The following CBL variants were observed in gnomAD, a reference collection of about 807,000 sequenced individuals.
CBL encodes the protein E3 ubiquitin-protein ligase CBL.
In CBL, 45 loss-of-function variants were observed where a neutral mutation model predicts 96.9. The observed-to-expected ratio is 0.46, with a 90% CI of 0.37 to 0.60. The LOEUF (loss-of-function observed/expected upper bound fraction) is 0.60, where lower values mean the gene tolerates loss of function less well. CBL is among the 20% of genes least tolerant of loss of function. The pLI, the probability that CBL is intolerant of heterozygous loss-of-function variation, is 0.00. For synonymous variants in CBL, 420 were observed against 426.8 expected, an observed-to-expected ratio of 0.98 and a Z score of 0.20; for missense variants, 1,024 against 1,143.5, an observed-to-expected ratio of 0.90 and a Z score of 1.51.
At chr11:119,219,233 G>C (rs183569926) in intron 1 of CBL, among the ~76,000 whole-genome samples, 7 of 152,060 alleles carry the variant, frequency 4.6e-5, no homozygotes, top group Non-Finnish European at 7.4e-5. Context: ...ACAAAAATTA[G>C]CCAGGTATGG....
chr11:119,257,196 A>G (rs1247759478), intron 2 of CBL, among the ~76,000 whole-genome samples: 1 of 152,294 alleles, frequency 6.6e-6, no homozygotes, highest in African/African-American at 2.4e-5. Flanking sequence ...CCAGCAGTGT[A>G]TAAGCATTCC....
chr11:119,269,159 A>C (rs114909100), intron 2 of CBL, among the ~76,000 whole-genome samples: 1 of 151,876 alleles, frequency 6.6e-6, no homozygotes, highest in African/African-American at 2.4e-5. Flanking sequence ...TCTTTGGTAC[A>C]TGGTAGAAAT....
intron 2 of CBL, among the ~76,000 whole-genome samples, chr11:119,234,382 T>A (rs1949526556): frequency 6.6e-6 from 1 of 152,244 alleles, no homozygotes; most frequent in South Asian, 2.1e-4. Context: ...TATTTGGAAG[T>A]GAACTTTATT....
At chr11:119,213,154 A>C (rs1231551010) in intron 1 of CBL, among the ~76,000 whole-genome samples, 1 of 151,976 alleles carries the variant, frequency 6.6e-6, no homozygotes, top group Non-Finnish European at 1.5e-5. Context: ...CCTTCCTTCT[A>C]ACTTTTCCTG....
intron 12 of CBL, among the ~76,000 whole-genome samples, chr11:119,296,311 C>G (rs1205949038): frequency 7.2e-5 from 11 of 151,962 alleles, no homozygotes; most frequent in African/African-American, 2.7e-4. Context: ...GGAGTTTTTT[C>G]ATTTCATTTC....
chr11:119,288,619 C>T (rs1950002777), intron 12 of CBL, among the ~76,000 whole-genome samples: 1 of 152,172 alleles, frequency 6.6e-6, no homozygotes, highest in Admixed American at 6.6e-5. Flanking sequence ...ACAGCCACCC[C>T]TCAGTATATA....
At chr11:119,274,159 CAAAA>C (rs200481838) in intron 4 of CBL, 135 bp downstream of exon 4, 4 of 703,164 alleles carry the variant, frequency 5.7e-6, no homozygotes, top group Non-Finnish European at 9.5e-6. Context: ...GGAACTATGC[CAAAA>C]AAAAGATTAA....
intron 2 of CBL, among the ~76,000 whole-genome samples, chr11:119,242,368 CT>C (rs1319009102): frequency 4.6e-5 from 7 of 151,732 alleles, no homozygotes; most frequent in Admixed American, 4.6e-4. Flanking sequence ...GTGAAACCCC[CT>C]CCCTTCTAAA....
intron 2 of CBL, among the ~76,000 whole-genome samples, chr11:119,267,646 C>T (rs950346222): frequency 2.0e-5 from 3 of 152,182 alleles, no homozygotes; most frequent in Admixed American, 2.0e-4. Flanking sequence ...CTCCTACCAT[C>T]TGATAACACT....
intron 1 of CBL, among the ~76,000 whole-genome samples, chr11:119,215,558 C>T (rs766198943): frequency 4.0e-5 from 6 of 151,434 alleles, no homozygotes; most frequent in Admixed American, 2.0e-4. Context: ...CCCAGCTCCT[C>T]GGGAGGCTGA....
chr11:119,266,865 G>T (rs1949806667), intron 2 of CBL, among the ~76,000 whole-genome samples: 1 of 152,204 alleles, frequency 6.6e-6, no homozygotes, highest in African/African-American at 2.4e-5. Context: ...AGGAAGGAAA[G>T]TTCTGTCTTC....
intron 2 of CBL, among the ~76,000 whole-genome samples, chr11:119,239,796 T>C (rs1949571670): frequency 6.6e-6 from 1 of 151,940 alleles, no homozygotes; most frequent in South Asian, 2.1e-4. Context: ...TTTTTTTTGC[T>C]TTTTTGTTTT....
intron 4 of CBL, 51 bp downstream of exon 4, chr11:119,274,075 A>T: frequency 4.7e-6 from 6 of 1,266,726 alleles, no homozygotes; most frequent in Non-Finnish European, 6.8e-6. Context: ...TTCGGTGAAG[A>T]GAAAGCTTTT....
At chr11:119,207,439 C>A (rs938902672) in intron 1 of CBL, among the ~76,000 whole-genome samples, 5 of 152,190 alleles carry the variant, frequency 3.3e-5, no homozygotes, top group African/African-American at 1.2e-4. Flanking sequence ...TTTCTGGTAA[C>A]GGTTCTGACT....
chr11:119,267,071 T>A (rs769075449), intron 2 of CBL, among the ~76,000 whole-genome samples: 2 of 152,184 alleles, frequency 1.3e-5, no homozygotes, highest in Non-Finnish European at 2.9e-5. Context: ...TTCTGCCCCA[T>A]ATACTGTAGA....
intron 1 of CBL, among the ~76,000 whole-genome samples, chr11:119,227,614 G>A (rs1055943244): frequency 1.3e-4 from 19 of 150,882 alleles, no homozygotes; most frequent in Non-Finnish European, 2.1e-4. Context: ...GCAATGGTGC[G>A]ATCTTGGCTC....
chr11:119,261,336 A>G (rs1443514179), intron 2 of CBL, among the ~76,000 whole-genome samples: 1 of 152,154 alleles, frequency 6.6e-6, no homozygotes, highest in African/African-American at 2.4e-5. Context: ...GCTTAGTATT[A>G]GCTACTCTGT....
intron 12 of CBL, among the ~76,000 whole-genome samples, chr11:119,288,668 C>A (rs1950003181): frequency 6.6e-6 from 1 of 152,102 alleles, no homozygotes; most frequent in South Asian, 2.1e-4. Flanking sequence ...CAGCATATAC[C>A]AGAACGCACA....
intron 1 of CBL, among the ~76,000 whole-genome samples, chr11:119,213,389 A>G (rs1949333879): frequency 6.6e-6 from 1 of 152,204 alleles, no homozygotes; most frequent in South Asian, 2.1e-4. Context: ...AATGATATAT[A>G]AGTGATGTGA....
Sources: allele counts gnomAD v4.1 joint callset (sites outside exome capture counted in the v4.1 genomes callset), GRCh38; gene constraint gnomAD v4.1.1; transcripts MANE v1.5; gene names NCBI Gene and HGNC (gene_info 2026-07-23, HGNC 2026-07-21).